GNG12: variants seen among roughly 807,000 people sequenced by gnomAD.
The protein encoded by GNG12 is G protein subunit gamma 12.
For missense variants in GNG12, 69 were observed against 83.8 expected, an observed-to-expected ratio of 0.82 and a Z score of 0.69; for synonymous variants, 28 against 29.7, an observed-to-expected ratio of 0.94 and a Z score of 0.19.
chr1:67,722,175 AG>A (rs1646359842), intron 2 of GNG12, among the ~76,000 whole-genome samples: 1 of 152,176 alleles, frequency 6.6e-6, no homozygotes, highest in South Asian at 2.1e-4. Flanking sequence ...GTTGAAAATG[AG>A]GCAACTGGCA....
rs149570959 is a variant in GNG12 at position 67,738,349 on chromosome 1, C to A, written c.-26-30637G>T. 7.5e-4 allele frequency among the ~76,000 whole-genome samples: 114 copies of A among 152,204 alleles called. 1 individual carries two copies. In the East Asian group the frequency reaches 0.015, roughly 20 times the overall value. ...AATCACAATCACTGTGCAACAATAG[C>A]CACAGATTAATTTATTGATTAGATA... On this transcript the variant is annotated intron_variant, in intron 2 of 3. Coordinates refer to ENST00000370982, the MANE Select transcript of GNG12 (RefSeq NM_018841.6).
intron 2 of GNG12, among the ~76,000 whole-genome samples, chr1:67,753,458 C>T (rs921757282): frequency 6.6e-6 from 1 of 152,078 alleles, no homozygotes; most frequent in African/African-American, 2.4e-5. Context: ...CTACAGTGAA[C>T]ATCACCCATG....
At chr1:67,758,196 A>G (rs1249349574) in intron 2 of GNG12, among the ~76,000 whole-genome samples, 1 of 151,704 alleles carries the variant, frequency 6.6e-6, no homozygotes, top group African/African-American at 2.4e-5. Flanking sequence ...CTGGTCTCAA[A>G]CTCCTGACCT....
intron 2 of GNG12, among the ~76,000 whole-genome samples, chr1:67,758,505 G>T (rs1646583293): frequency 6.6e-6 from 1 of 152,202 alleles, no homozygotes; most frequent in Non-Finnish European, 1.5e-5. Context: ...GCATTGGCCT[G>T]GTGTCAGGAT....
At chr1:67,798,903 G>A (rs1646847547) in intron 1 of GNG12, among the ~76,000 whole-genome samples, 7 of 152,076 alleles carry the variant, frequency 4.6e-5, no homozygotes, top group Admixed American at 4.6e-4. Flanking sequence ...GCAGTGAGCC[G>A]AGATCATGCC....
In GNG12 at chr1:67,778,112, CT is replaced by C. The variant is rs201715250; in HGVS notation, c.-76-606del. Among the ~76,000 whole-genome samples, 1,248 of 148,762 alleles carry C rather than the reference CT, an allele frequency of 8.4e-3. 10 individuals are homozygous for C. The highest frequency in any genetic ancestry group is 0.015 in the African/African-American group (609 of 40,820). Reference sequence around the variant, plus strand: ...TATGTATATTATATATTAATTATAACTATACATAATTATAATAAAATACATT... The same window carrying C: ...TATGTATATTATATATTAATTATAACATACATAATTATAATAAAATACATT... On this transcript the variant is annotated intron_variant, in intron 1 of 3. Coordinates refer to ENST00000370982, the MANE Select transcript of GNG12 (RefSeq NM_018841.6).
chr1:67,796,308 T>C (rs1421836331), intron 1 of GNG12, among the ~76,000 whole-genome samples: 2 of 152,164 alleles, frequency 1.3e-5, no homozygotes, highest in Non-Finnish European at 2.9e-5. Flanking sequence ...TAACCCAGTC[T>C]TTCCTTTTCA....
chr1:67,822,866 C>T (rs935294631), intron 1 of GNG12, among the ~76,000 whole-genome samples: 1 of 152,050 alleles, frequency 6.6e-6, no homozygotes, highest in East Asian at 1.9e-4. Flanking sequence ...CTTTCAATGG[C>T]ATTTAGTTTT....
chr1:67,763,106 A>AGAGAGAGG (rs1553157332), intron 2 of GNG12, among the ~76,000 whole-genome samples: 2,434 of 151,158 alleles, frequency 0.016, 87 homozygotes, highest in African/African-American at 0.056. Flanking sequence ...AGAGAGAGAG[A>AGAGAGAGG]GAGAGAGAGA....
intron 1 of GNG12, among the ~76,000 whole-genome samples, chr1:67,811,818 T>A (rs1321618147): frequency 2.6e-5 from 4 of 152,172 alleles, no homozygotes; most frequent in Non-Finnish European, 5.9e-5. Context: ...ACATGTCAGT[T>A]GAGAATCACT....
At chr1:67,712,716 C>T (rs533655469) in intron 2 of GNG12, among the ~76,000 whole-genome samples, 3 of 151,948 alleles carry the variant, frequency 2.0e-5, no homozygotes, top group Admixed American at 6.6e-5. Context: ...TAACCCAGTT[C>T]GTAAGCCTTT....
chr1:67,814,680 T>C (rs140459639), intron 1 of GNG12, among the ~76,000 whole-genome samples: 17 of 152,374 alleles, frequency 1.1e-4, no homozygotes, highest in Admixed American at 2.0e-4. Flanking sequence ...TCATGTTTTA[T>C]ATGCTTATCA....
chr1:67,805,926 C>G (rs748889585), intron 1 of GNG12, among the ~76,000 whole-genome samples: 17 of 151,244 alleles, frequency 1.1e-4, no homozygotes, highest in Non-Finnish European at 2.5e-4. Flanking sequence ...TCTTACCCAT[C>G]CAGGACCAAG....
chr1:67,827,409 GTC>G (rs1647017216), intron 1 of GNG12, among the ~76,000 whole-genome samples: 2 of 152,076 alleles, frequency 1.3e-5, no homozygotes. Context: ...ATTCTTAACA[GTC>G]TCCAACACTC....
chr1:67,806,873 C>G lies in GNG12; in HGVS notation c.-77+26471G>C, dbSNP rs147822033. 5.9e-5 allele frequency among the ~76,000 whole-genome samples: 9 copies of G among 152,238 alleles called. No homozygotes were observed. In the East Asian group the frequency reaches 1.7e-3, roughly 29 times the overall value. On this transcript the variant is annotated intron_variant, in intron 1 of 3. Coordinates refer to ENST00000370982, the MANE Select transcript of GNG12 (RefSeq NM_018841.6). ...GCCCTTCTATCAGAAATGGACAGAT[C>G]TATTAGGCAGACAATCATTAAAGCC...
chr1:67,804,445 C>G (rs1646883483), intron 1 of GNG12, among the ~76,000 whole-genome samples: 1 of 152,166 alleles, frequency 6.6e-6, no homozygotes, highest in Admixed American at 6.5e-5. Context: ...CACATTAACT[C>G]TGTCCAGTTG....
intron 2 of GNG12, among the ~76,000 whole-genome samples, chr1:67,751,524 A>C (rs562709349): frequency 5.3e-5 from 8 of 152,260 alleles, no homozygotes; most frequent in African/African-American, 1.9e-4. Flanking sequence ...GCTCTGGGGA[A>C]ACACTGTCCC....
chr1:67,707,205 C>A (rs897042829), intron 3 of GNG12, among the ~76,000 whole-genome samples: 1 of 152,214 alleles, frequency 6.6e-6, no homozygotes, highest in African/African-American at 2.4e-5. Context: ...TGACTTCTTA[C>A]GTGAAGCTGC....
At chr1:67,713,596 C>T (rs1246769360) in intron 2 of GNG12, among the ~76,000 whole-genome samples, 1 of 152,014 alleles carries the variant, frequency 6.6e-6, no homozygotes, top group East Asian at 1.9e-4. Context: ...AATTGAATCA[C>T]TGGAGTGAAG....
Sources: gnomAD v4.1 joint callset for allele counts (sites outside exome capture counted in the v4.1 genomes callset) on GRCh38, gnomAD v4.1.1 for gene constraint, MANE v1.5 for transcripts, NCBI Gene and HGNC (gene_info 2026-07-23, HGNC 2026-07-21) for gene names.